Variants in FBRSL1 observed in about 807,000 individuals in gnomAD.
The protein encoded by FBRSL1 is fibrosin-1-like protein.
FBRSL1 carries 51 observed loss-of-function variants against 89.6 expected under a neutral mutation model. That is an observed-to-expected ratio of 0.57 (90% CI 0.45 to 0.72). The LOEUF (loss-of-function observed/expected upper bound fraction) is 0.72. Among genes scored for constraint, FBRSL1 ranks in the 30% least tolerant of loss-of-function variants. The pLI, the probability that FBRSL1 is intolerant of heterozygous loss-of-function variation, is 0.00. For missense variants in FBRSL1, 1,618 were observed against 1,451.8 expected (o/e 1.11, Z -1.86); for synonymous variants, 779 against 681.1 (o/e 1.14, Z -2.24).
rs187462134 is a variant in FBRSL1, at chr12:132,563,545, C to T, written c.646-3936C>T. ...CTCATTGCGCTCTTGGATCTCCTTC[C>T]GTCTGTCCGTTTGCCTGTCCGTCTG... On this transcript the variant is annotated intron_variant, in intron 5 of 18. Transcript: ENST00000680143. Among the ~76,000 whole-genome samples, 37 of 151,686 alleles carry T rather than the reference C, an allele frequency of 2.4e-4. 1 individual carries two copies. The East Asian group carries it at 5.2e-3, about 21-fold the overall frequency.
At chr12:132,572,369 G>A (rs769379677) in intron 10 of FBRSL1, 25 bp downstream of exon 10, 111 of 1,550,140 alleles carry the variant, frequency 7.2e-5, no homozygotes, top group Non-Finnish European at 9.0e-5. Context: ...GGGGCCCGGC[G>A]CGTGTCGCTG....
In FBRSL1 at chr12:132,570,505, C is replaced by T. The variant is rs977532085; in HGVS notation, c.1178C>T (p.Pro393Leu). The T allele has an allele frequency of 9.2e-6, 14 of 1,526,502 alleles. No homozygotes were observed. The East Asian group carries it at 1.2e-4, about 13-fold the overall frequency. The allele number at this position is 1,526,502 out of a possible 1,614,324, so 94.6% of individuals were successfully genotyped here. The change falls in exon 8 of 19, where the codon CCG becomes CTG. Residue 393 changes from proline (P) to leucine (L), a missense_variant. Pro to Leu is a moderately conservative substitution (Grantham distance 98). Transcript: ENST00000680143. ...ACACTGCCCCCGCCCCCGGCGCTGC[C>T]GGCCAGCAGCCTGGTCCTCCCAGGA... ...PPTLPPPPAL[P>L]ASSLVLPGHP...
At chr12:132,561,957 G>A (rs926392437) in intron 5 of FBRSL1, among the ~76,000 whole-genome samples, 2 of 152,198 alleles carry the variant, frequency 1.3e-5, no homozygotes, top group African/African-American at 4.8e-5. Flanking sequence ...CACTGCTGGG[G>A]GATGGGCACG....
chr12:132,570,052 C>T lies in FBRSL1; in HGVS notation c.818C>T (p.Pro273Leu). ...GCCAGCCCCGCGCCCCATGCCGCGC[C>T]CTGCCCGGGGCCCCCGCCCGGCTCC... ...PTASPAPHAA[P>L]CPGPPPGSRA... The change falls in exon 7 of 19, where the codon CCC becomes CTC. Residue 273 changes from proline (P) to leucine (L), a missense_variant. Physicochemically the swap from Pro to Leu is moderately conservative, Grantham distance 98. Coordinates refer to ENST00000680143, the MANE Select transcript of FBRSL1 (RefSeq NM_001367871.1). 6.6e-7 allele frequency: 1 copy of T among 1,503,782 alleles called. No individual in the cohort carries two copies. The highest frequency in any genetic ancestry group is 8.8e-7 in the Non-Finnish European group (1 of 1,133,212). The allele number at this position is 1,503,782 out of a possible 1,614,324, so 93.2% of individuals were successfully genotyped here. A position where few individuals can be genotyped will look rare whatever the true frequency, so the allele number is the denominator to read the frequency against.
intron 5 of FBRSL1, chr12:132,551,255 C>T (rs1310452958): frequency 2.6e-6 from 1 of 383,330 alleles, no homozygotes; most frequent in African/African-American, 2.1e-5. Flanking sequence ...GAAGGAAGGT[C>T]CCCGAGTGCC....
chr12:132,495,066 GC>G (rs1409052020), intron 1 of FBRSL1, among the ~76,000 whole-genome samples: 1 of 152,244 alleles, frequency 6.6e-6, no homozygotes, highest in Non-Finnish European at 1.5e-5. Flanking sequence ...TGAGCCTGGA[GC>G]CGGTGGGCCT....
At chr12:132,502,003 C>G (rs150692345) in intron 1 of FBRSL1, among the ~76,000 whole-genome samples, 1 of 152,206 alleles carries the variant, frequency 6.6e-6, no homozygotes, top group South Asian at 2.1e-4. Flanking sequence ...TTATTCTTTT[C>G]GTTATTGTGA....
Position 132,574,285 on chromosome 12 carries a change from G to T in FBRSL1, c.1600-34G>T, listed in dbSNP as rs754400699. On this transcript the variant is annotated intron_variant, in intron 12 of 18. Coordinates refer to ENST00000680143, the MANE Select transcript of FBRSL1 (RefSeq NM_001367871.1). ...CCCCCAGGACTCAGCCTCCTGAGGGGCCCGGACCTCACACTCCTTTCCTGT... is the reference window on the plus strand; with the variant it reads ...CCCCCAGGACTCAGCCTCCTGAGGGTCCCGGACCTCACACTCCTTTCCTGT... The T allele has an allele frequency of 4.6e-6, 7 of 1,507,920 alleles. No individual in the cohort carries two copies. In the South Asian group the frequency reaches 7.9e-5, roughly 17 times the overall value. The allele number at this position is 1,507,920 out of a possible 1,614,324, so 93.4% of individuals were successfully genotyped here. A position where few individuals can be genotyped will look rare whatever the true frequency, so the allele number is the denominator to read the frequency against.
intron 4 of FBRSL1, among the ~76,000 whole-genome samples, chr12:132,542,098 G>A (rs146524671): frequency 5.4e-4 from 82 of 152,374 alleles, no homozygotes; most frequent in African/African-American, 1.7e-3. Flanking sequence ...ATTGGGACAC[G>A]TGGCAGGACA....
At chr12:132,561,692 G>A (rs777300705) in intron 5 of FBRSL1, among the ~76,000 whole-genome samples, 1 of 152,172 alleles carries the variant, frequency 6.6e-6, no homozygotes, top group Non-Finnish European at 1.5e-5. Flanking sequence ...CTGGCGAAGA[G>A]GCCACTCAAA....
At chr12:132,538,926 G>C (rs1025229855) in intron 4 of FBRSL1, among the ~76,000 whole-genome samples, 1 of 152,098 alleles carries the variant, frequency 6.6e-6, no homozygotes, top group Non-Finnish European at 1.5e-5. Flanking sequence ...TCAGTGTGGC[G>C]GGGCCCTGAC....
intron 4 of FBRSL1, among the ~76,000 whole-genome samples, chr12:132,532,419 C>G (rs1026742112): frequency 6.6e-6 from 1 of 152,152 alleles, no homozygotes; most frequent in Non-Finnish European, 1.5e-5. Context: ...TTGTGCCCAT[C>G]AAGAAGAGCC....
intron 5 of FBRSL1, chr12:132,565,715 C>T (rs891011787): frequency 6.6e-6 from 1 of 152,310 alleles, no homozygotes; most frequent in Non-Finnish European, 1.5e-5. Context: ...CATAACACTC[C>T]TTCTTTGCAG....
At chr12:132,554,481 C>T (rs1187765041) in intron 5 of FBRSL1, 2 of 152,220 alleles carry the variant, frequency 1.3e-5, no homozygotes, top group African/African-American at 4.8e-5. Flanking sequence ...ATAAATGTAA[C>T]TTAATTGATG....
rs748105482 is a variant in FBRSL1 at position 132,558,462 on chromosome 12, GAC to G, written c.646-9015_646-9014del. ...CAGTGCGCCCGGAAGTGCCTATGTG[GAC>G]ACAGTGTGTGTGCATGGACGCAAGC... On this transcript the variant is annotated intron_variant, in intron 5 of 18. Coordinates refer to ENST00000680143, the MANE Select transcript of FBRSL1 (RefSeq NM_001367871.1). 1.8e-4 allele frequency among the ~76,000 whole-genome samples: 28 copies of G among 152,390 alleles called. No individual in the cohort carries two copies. In the Middle Eastern group the frequency reaches 0.017, roughly 93 times the overall value.
intron 4 of FBRSL1, among the ~76,000 whole-genome samples, chr12:132,533,614 C>A (rs1027737689): frequency 2.0e-5 from 3 of 152,256 alleles, no homozygotes; most frequent in Non-Finnish European, 4.4e-5. Flanking sequence ...ATCTGCTCAC[C>A]CATTTGTCCA....
chr12:132,514,929 T>C (rs1388503565), intron 2 of FBRSL1, among the ~76,000 whole-genome samples: 3 of 152,004 alleles, frequency 2.0e-5, no homozygotes, highest in Non-Finnish European at 2.9e-5. Flanking sequence ...TTTTTTACTC[T>C]TTTTTTTGTA....
chr12:132,512,277 G>A (rs945033880), intron 2 of FBRSL1, among the ~76,000 whole-genome samples: 1 of 152,270 alleles, frequency 6.6e-6, no homozygotes, highest in African/African-American at 2.4e-5. Flanking sequence ...GGGGACTGGT[G>A]AGGGAGGGTG....
At chr12:132,545,004 G>A (rs144120657) in intron 4 of FBRSL1, among the ~76,000 whole-genome samples, 8 of 152,332 alleles carry the variant, frequency 5.3e-5, no homozygotes, top group Admixed American at 1.3e-4. Context: ...GGACAACCCT[G>A]TAAATTGTTC....
Sources: gnomAD v4.1 joint callset for allele counts (sites outside exome capture counted in the v4.1 genomes callset) on GRCh38, gnomAD v4.1.1 for gene constraint, MANE v1.5 for transcripts, NCBI Gene and HGNC (gene_info 2026-07-23, HGNC 2026-07-21) for gene names.